The following VWA8 variants were observed in gnomAD, a reference collection of about 807,000 sequenced individuals.
The protein encoded by VWA8 is von Willebrand factor A domain-containing protein 8.
VWA8 carries 221 observed loss-of-function variants against 241.5 expected under a neutral mutation model. The observed-to-expected ratio is 0.91, with a 90% CI of 0.82 to 1.02. The LOEUF (loss-of-function observed/expected upper bound fraction) is 1.02. Among genes scored for constraint, VWA8 ranks in the 50% least tolerant of loss-of-function variants. The probability of loss-of-function intolerance (pLI) is 0.00; values close to 1 mark genes in which losing one functional copy is unlikely to be tolerated. For missense variants in VWA8, 2,322 were observed against 2,328.7 expected (o/e 1.00, Z 0.06); for synonymous variants, 852 against 827.1 (o/e 1.03, Z -0.52).
intron 2 of VWA8, among the ~76,000 whole-genome samples, chr13:41,940,679 G>A (rs191004923): frequency 3.3e-5 from 5 of 152,274 alleles, no homozygotes; most frequent in Non-Finnish European, 7.4e-5. Context: ...ATGCATATGT[G>A]GCTAAAGATT....
At chr13:41,678,098 C>T (rs9566819) in intron 35 of VWA8, among the ~76,000 whole-genome samples, 2,298 of 152,180 alleles carry the variant, frequency 0.015, 40 homozygotes, top group East Asian at 0.072. Flanking sequence ...GAGGAAAGTT[C>T]CTTTTTATTA....
At chr13:41,740,091 G>A (rs1384122447) in intron 21 of VWA8, among the ~76,000 whole-genome samples, 2 of 151,794 alleles carry the variant, frequency 1.3e-5, no homozygotes, top group African/African-American at 4.8e-5. Flanking sequence ...TCCTGACCTC[G>A]TGATCTGCCC....
chr13:41,939,073 C>T (rs1877478210), intron 2 of VWA8, among the ~76,000 whole-genome samples: 1 of 152,024 alleles, frequency 6.6e-6, no homozygotes, highest in Non-Finnish European at 1.5e-5. Context: ...TCTTTGTGGG[C>T]CCTAATTGCT....
chr13:41,931,277 G>GT (rs1224535702), intron 2 of VWA8, among the ~76,000 whole-genome samples: 15 of 109,140 alleles, frequency 1.4e-4, no homozygotes, highest in South Asian at 9.9e-4. Context: ...CAGACCCAGG[G>GT]TTAAAAAAAA....
At chr13:41,658,342 T>C (rs2044923819) in intron 37 of VWA8, among the ~76,000 whole-genome samples, 1 of 152,266 alleles carries the variant, frequency 6.6e-6, no homozygotes, top group Non-Finnish European at 1.5e-5. Context: ...CATAGTTTAT[T>C]TGTCCTGAGC....
chr13:41,822,748 G>C (rs1261551243), intron 14 of VWA8, among the ~76,000 whole-genome samples: 1 of 152,084 alleles, frequency 6.6e-6, no homozygotes, highest in Non-Finnish European at 1.5e-5. Flanking sequence ...CACTTATAAA[G>C]TACTTTCTGA....
At chr13:41,901,865 C>CAAAA (rs1167305999) in intron 4 of VWA8, among the ~76,000 whole-genome samples, 14 of 24,676 alleles carry the variant, frequency 5.7e-4, no homozygotes, top group Admixed American at 2.0e-3. Context: ...GACTCCATCT[C>CAAAA]AAAAAAAAAA....
At chr13:41,944,107 A>AT (rs1877729748) in intron 2 of VWA8, among the ~76,000 whole-genome samples, 1 of 142,390 alleles carries the variant, frequency 7.0e-6, no homozygotes, top group Non-Finnish European at 1.5e-5. Flanking sequence ...TCTGTCTCAA[A>AT]AAATAATAAT....
At chr13:41,679,877 C>A (rs981159717) in intron 35 of VWA8, among the ~76,000 whole-genome samples, 3 of 146,614 alleles carry the variant, frequency 2.0e-5, no homozygotes, top group Non-Finnish European at 4.5e-5. Flanking sequence ...CCATTTCCTG[C>A]CCCCTAGAGA....
intron 42 of VWA8, among the ~76,000 whole-genome samples, chr13:41,583,214 C>A (rs117299741): frequency 0.015 from 2,243 of 152,248 alleles, 48 homozygotes; most frequent in Admixed American, 0.023. Context: ...AAATCTCAGA[C>A]ACATTGCCAG....
chr13:41,734,209 G>A (rs1276476965), intron 21 of VWA8, among the ~76,000 whole-genome samples: 2 of 152,084 alleles, frequency 1.3e-5, no homozygotes, highest in African/African-American at 4.8e-5. Context: ...GTGGTGGCAC[G>A]TGCCTGTAAT....
At chr13:41,810,921 A>ATTTAT (rs1012910516) in intron 17 of VWA8, among the ~76,000 whole-genome samples, 5 of 151,962 alleles carry the variant, frequency 3.3e-5, no homozygotes, top group Admixed American at 2.0e-4. Context: ...AAGGATAAAA[A>ATTTAT]TTTATTTTAT....
intron 2 of VWA8, among the ~76,000 whole-genome samples, chr13:41,933,097 C>T (rs1877198549): frequency 6.6e-6 from 1 of 151,828 alleles, no homozygotes; most frequent in Non-Finnish European, 1.5e-5. Context: ...GTGATGCAAT[C>T]TACAAAAACA....
At chr13:41,691,965 A>G (rs2045181365) in intron 30 of VWA8, 27 bp from the exon 31 acceptor site, 1 of 1,489,356 alleles carries the variant, frequency 6.7e-7, no homozygotes. Flanking sequence ...CAAGATATTC[A>G]TATTAAATGT....
At chr13:41,758,361 G>A (rs1346599724) in intron 21 of VWA8, among the ~76,000 whole-genome samples, 1 of 88,300 alleles carries the variant, frequency 1.1e-5, no homozygotes, top group Non-Finnish European at 2.2e-5. Context: ...CATTGCTATA[G>A]ATACTAGCAT....
chr13:41,576,725 AC>A (rs1053050622), intron 42 of VWA8, among the ~76,000 whole-genome samples: 37 of 152,348 alleles, frequency 2.4e-4, no homozygotes, highest in African/African-American at 8.7e-4. Context: ...GTTAAATAAA[AC>A]ATGTTCTGTC....
At chr13:41,830,919 A>T (rs1465953341) in intron 13 of VWA8, among the ~76,000 whole-genome samples, 1 of 152,144 alleles carries the variant, frequency 6.6e-6, no homozygotes, top group Non-Finnish European at 1.5e-5. Context: ...GAAGGAGAGC[A>T]AAAGAAACAG....
At chr13:41,942,535 CTTATGA>C (rs1463490225) in intron 2 of VWA8, among the ~76,000 whole-genome samples, 1 of 152,184 alleles carries the variant, frequency 6.6e-6, no homozygotes, top group Non-Finnish European at 1.5e-5. Flanking sequence ...TTTCAGCAAA[CTTATGA>C]TGGCCACGCA....
intron 31 of VWA8, 96 bp downstream of exon 31, chr13:41,691,778 T>G (rs1593699958): frequency 2.0e-6 from 2 of 993,062 alleles, no homozygotes; most frequent in Non-Finnish European, 3.1e-6. Flanking sequence ...ATAATTTGGT[T>G]ACATTCACTT....
Sources: gnomAD v4.1 joint callset for allele counts (sites outside exome capture counted in the v4.1 genomes callset) on GRCh38, gnomAD v4.1.1 for gene constraint, MANE v1.5 for transcripts, NCBI Gene and HGNC (gene_info 2026-07-23, HGNC 2026-07-21) for gene names.